The following FGF14 variants were observed in gnomAD, a reference collection of about 807,000 sequenced individuals.
The protein encoded by FGF14 is fibroblast growth factor homologous factor 4.
FGF14 carries 5 observed loss-of-function variants against 25.5 expected under a neutral mutation model. The ratio of observed to expected loss-of-function variants is 0.20; its 90% CI spans 0.10 to 0.41. FGF14 has a LOEUF of 0.41. Among genes scored for constraint, FGF14 ranks in the 10% least tolerant of loss-of-function variants. The pLI is 1.00. For synonymous variants in FGF14, 138 were observed against 118.3 expected (o/e 1.17, Z -1.08); for missense variants, 222 against 320.1 (o/e 0.69, Z 2.34).
chr13:101,754,660 CG>C (rs1431829583), intron 3 of FGF14, among the ~76,000 whole-genome samples: 3 of 150,684 alleles, frequency 2.0e-5, no homozygotes, highest in Non-Finnish European at 4.4e-5. Context: ...ACCTGGGAGG[CG>C]GAGATTGCAG....
At chr13:102,176,765 G>C (rs541998467) in intron 1 of FGF14, among the ~76,000 whole-genome samples, 18 of 152,266 alleles carry the variant, frequency 1.2e-4, no homozygotes, top group Non-Finnish European at 2.1e-4. Flanking sequence ...GGAAATTTTA[G>C]AGGTGAGGGA....
intron 3 of FGF14, among the ~76,000 whole-genome samples, chr13:101,789,317 T>C (rs1427493047): frequency 6.6e-6 from 1 of 152,062 alleles, no homozygotes; most frequent in Non-Finnish European, 1.5e-5. Context: ...GGGTTCTTTC[T>C]TCCTCAACAG....
intron 1 of FGF14, among the ~76,000 whole-genome samples, chr13:102,226,757 T>C (rs1283270544): frequency 1.3e-5 from 2 of 152,182 alleles, no homozygotes; most frequent in Admixed American, 1.3e-4. Flanking sequence ...CAAATCTATG[T>C]CTGCAGCCCA....
At chr13:102,007,730 C>T (rs1369748439) in intron 1 of FGF14, among the ~76,000 whole-genome samples, 1 of 152,122 alleles carries the variant, frequency 6.6e-6, no homozygotes, top group Non-Finnish European at 1.5e-5. Flanking sequence ...TGATTTTCAT[C>T]AAAATAATCA....
At chr13:101,957,703 A>G (rs73569507) in intron 1 of FGF14, among the ~76,000 whole-genome samples, 2,222 of 152,288 alleles carry the variant, frequency 0.015, 60 homozygotes, top group African/African-American at 0.051. Context: ...AATTTCTCAT[A>G]ACCAGAAAAT....
At chr13:102,091,663 C>T (rs1361909694) in intron 1 of FGF14, among the ~76,000 whole-genome samples, 1 of 152,124 alleles carries the variant, frequency 6.6e-6, no homozygotes, top group Non-Finnish European at 1.5e-5. Context: ...CCACGCCTTG[C>T]TTACAGGTCT....
At chr13:102,058,989 G>A (rs945737604) in intron 1 of FGF14, among the ~76,000 whole-genome samples, 1 of 151,576 alleles carries the variant, frequency 6.6e-6, no homozygotes, top group African/African-American at 2.4e-5. Context: ...AGATGACTAT[G>A]TGGTCACAAG....
At chr13:102,248,377 C>G (rs951603290) in intron 1 of FGF14, among the ~76,000 whole-genome samples, 1 of 152,008 alleles carries the variant, frequency 6.6e-6, no homozygotes, top group Admixed American at 6.6e-5. Context: ...TCTTTACCAA[C>G]TAAAATAAAA....
chr13:101,954,908 T>C lies in FGF14; in HGVS notation c.209-79612A>G. Reference sequence around the variant, plus strand: ...AGGAGAGTGTCTTAGTCAGGAGGAATAGATGAAATAATATGGTCTCTATGG... The same window carrying C: ...AGGAGAGTGTCTTAGTCAGGAGGAACAGATGAAATAATATGGTCTCTATGG... On this transcript the variant is annotated intron_variant, in intron 1 of 4. Transcript: ENST00000376131. Among the ~76,000 whole-genome samples the C allele has an allele frequency of 1.3e-5, 2 of 152,218 alleles. 1 individual carries two copies. The highest frequency in any genetic ancestry group is 4.1e-4 in the South Asian group (2 of 4,834).
At chr13:102,117,729 G>GA (rs552461556) in intron 1 of FGF14, among the ~76,000 whole-genome samples, 136 of 152,122 alleles carry the variant, frequency 8.9e-4, no homozygotes, top group African/African-American at 3.0e-3. Context: ...CGTTTTAAAA[G>GA]AAAAAATACT....
At chr13:102,166,212 TAC>T (rs943997781) in intron 1 of FGF14, among the ~76,000 whole-genome samples, 3 of 151,830 alleles carry the variant, frequency 2.0e-5, no homozygotes, top group African/African-American at 4.8e-5. Context: ...AAAGAAAGAA[TAC>T]AGTCTATTCT....
At chr13:102,113,124 T>G (rs2045311412) in intron 1 of FGF14, among the ~76,000 whole-genome samples, 1 of 152,256 alleles carries the variant, frequency 6.6e-6, no homozygotes, top group African/African-American at 2.4e-5. Context: ...TATTTCACCA[T>G]GTACTTACTT....
intron 1 of FGF14, among the ~76,000 whole-genome samples, chr13:102,144,917 C>A (rs1012943644): frequency 6.6e-6 from 1 of 151,958 alleles, no homozygotes. Context: ...AAAATGAATA[C>A]GTTTCTATTT....
intron 1 of FGF14, among the ~76,000 whole-genome samples, chr13:102,257,580 G>A (rs985369160): frequency 6.6e-6 from 1 of 151,812 alleles, no homozygotes; most frequent in African/African-American, 2.4e-5. Context: ...TGATCCACCT[G>A]CCTTGGCCTC....
At chr13:101,838,305 G>A (rs1000202460) in intron 3 of FGF14, among the ~76,000 whole-genome samples, 5 of 151,752 alleles carry the variant, frequency 3.3e-5, no homozygotes, top group Admixed American at 6.6e-5. Context: ...TGCAGCCCTC[G>A]GTTTCGTTCT....
chr13:101,954,971 G>T (rs1304467350), intron 1 of FGF14, among the ~76,000 whole-genome samples: 3 of 152,176 alleles, frequency 2.0e-5, no homozygotes, highest in African/African-American at 4.8e-5. Flanking sequence ...AATCTGAAAT[G>T]AAGACTATTT....
chr13:101,811,222 C>A (rs1053366868), intron 3 of FGF14, among the ~76,000 whole-genome samples: 2 of 152,128 alleles, frequency 1.3e-5, no homozygotes, highest in African/African-American at 4.8e-5. Flanking sequence ...TACTATCACA[C>A]AGAATATTTT....
intron 1 of FGF14, among the ~76,000 whole-genome samples, chr13:102,103,249 AAG>A (rs1447708160): frequency 6.6e-6 from 1 of 152,216 alleles, no homozygotes; most frequent in Non-Finnish European, 1.5e-5. Context: ...CCCAGGAAGA[AAG>A]AGAAAGTTCT....
intron 1 of FGF14, among the ~76,000 whole-genome samples, chr13:102,235,298 A>G (rs1205986059): frequency 6.6e-6 from 1 of 152,254 alleles, no homozygotes; most frequent in Non-Finnish European, 1.5e-5. Flanking sequence ...AAAGTTTTAC[A>G]AATGAATCAA....
Sources: allele counts gnomAD v4.1 joint callset (sites outside exome capture counted in the v4.1 genomes callset), GRCh38; gene constraint gnomAD v4.1.1; transcripts MANE v1.5; gene names NCBI Gene and HGNC (gene_info 2026-07-23, HGNC 2026-07-21).